EXOC2: variants seen among roughly 807,000 people sequenced by gnomAD.
EXOC2 encodes SEC5-like 1.
EXOC2 carries 70 observed loss-of-function variants against 131.8 expected under a neutral mutation model. The observed-to-expected ratio is 0.53, with a 90% CI of 0.44 to 0.65. The LOEUF (loss-of-function observed/expected upper bound fraction) is 0.65. Among genes scored for constraint, EXOC2 ranks in the 30% least tolerant of loss-of-function variants. EXOC2 has a pLI of 0.00. For missense variants in EXOC2, 923 were observed against 1,108.6 expected (o/e 0.83, Z 2.38); for synonymous variants, 411 against 398.4 (o/e 1.03, Z -0.38).
chr6:671,208 C>A (rs1763847878), intron 1 of EXOC2, among the ~76,000 whole-genome samples: 1 of 151,406 alleles, frequency 6.6e-6, no homozygotes, highest in Non-Finnish European at 1.5e-5. Flanking sequence ...AGTACAAAAA[C>A]TAGCCAGGCT....
chr6:630,128 TTTAA>T (rs745759447), intron 3 of EXOC2, among the ~76,000 whole-genome samples, 167 bp from the exon 4 acceptor site: 27 of 152,208 alleles, frequency 1.8e-4, no homozygotes, highest in Admixed American at 6.5e-5. Context: ...TGACTAGTAG[TTTAA>T]TTATAAGCAC....
chr6:582,930 A>C (rs927753135), intron 11 of EXOC2, among the ~76,000 whole-genome samples: 12 of 151,424 alleles, frequency 7.9e-5, no homozygotes, highest in Non-Finnish European at 1.6e-4. Flanking sequence ...TTTCAGTATC[A>C]TTCAAAGCAA....
Position 615,823 on chromosome 6 carries a change from G to T in EXOC2, c.661+1888C>A, listed in dbSNP as rs149130294. ...AAGAGATTTAAAAATTAAGTGAAAT[G>T]CCTGAATTTTATTTGAATCTTGATT... On this transcript the variant is annotated intron_variant, in intron 6 of 27. Transcript: ENST00000230449. 5.4e-3 allele frequency among the ~76,000 whole-genome samples: 814 copies of T among 152,124 alleles called. 9 individuals are homozygous for T. The highest frequency in any genetic ancestry group is 0.019 in the African/African-American group (776 of 41,498).
intron 23 of EXOC2, among the ~76,000 whole-genome samples, chr6:527,718 A>T (rs902779517): frequency 3.3e-5 from 5 of 152,230 alleles, no homozygotes; most frequent in Admixed American, 6.5e-5. Context: ...TCCCTTTCCC[A>T]TTATAATTTC....
At chr6:658,665 A>ATAT (rs1374453663) in intron 1 of EXOC2, among the ~76,000 whole-genome samples, 1,355 of 115,506 alleles carry the variant, frequency 0.012, 28 homozygotes, top group East Asian at 0.029. Context: ...ATATATATAT[A>ATAT]TTTTTTTTTT....
At chr6:547,949 C>T (rs529831856) in intron 22 of EXOC2, among the ~76,000 whole-genome samples, 6 of 152,186 alleles carry the variant, frequency 3.9e-5, no homozygotes, top group Admixed American at 1.3e-4. Context: ...TAGAGAAAAC[C>T]AAACTTGCTT....
At chr6:589,486 G>A (rs1282146096) in intron 11 of EXOC2, among the ~76,000 whole-genome samples, 1 of 152,166 alleles carries the variant, frequency 6.6e-6, no homozygotes, top group Non-Finnish European at 1.5e-5. Flanking sequence ...AACTTCCCTG[G>A]ACTTCCCCTC....
rs971578379 is a variant in EXOC2, at chr6:486,505, G to C, written c.*166C>G. On this transcript the variant is annotated 3_prime_UTR_variant, in exon 28 of 28. Coordinates refer to ENST00000230449, the MANE Select transcript of EXOC2 (RefSeq NM_018303.6). ...AATACTTCCTGGGCATTTCAAATGAGGTCATTTTGGTTGAAATGTATACCA... is the reference window on the plus strand; with the variant it reads ...AATACTTCCTGGGCATTTCAAATGACGTCATTTTGGTTGAAATGTATACCA... 1 of 586,966 alleles carries C rather than the reference G, an allele frequency of 1.7e-6. No homozygotes were observed. Among genetic ancestry groups the C allele is most frequent in the Non-Finnish European group, 3.0e-6 (1 of 328,868 alleles). 36.4% of individuals were successfully genotyped at this position (586,966 alleles called of 1,614,324 possible).
chr6:536,837 TAAAC>T (rs1423048310), intron 22 of EXOC2, among the ~76,000 whole-genome samples: 2 of 152,264 alleles, frequency 1.3e-5, no homozygotes, highest in Admixed American at 1.3e-4. Context: ...TCATCAAAAT[TAAAC>T]AATTCTGTTC....
At chr6:686,259 GC>G (rs1562015211) in intron 1 of EXOC2, among the ~76,000 whole-genome samples, 1 of 150,212 alleles carries the variant, frequency 6.7e-6, no homozygotes, top group Non-Finnish European at 1.5e-5. Context: ...GCCGCGCCCG[GC>G]CTCCTGGACC....
chr6:625,518 CTTTTT>C (rs796295514), intron 4 of EXOC2, among the ~76,000 whole-genome samples: 39 of 108,046 alleles, frequency 3.6e-4, no homozygotes, highest in South Asian at 9.4e-4. Flanking sequence ...TGTTTCCGTT[CTTTTT>C]TTTTTTTTTT....
At chr6:498,783 A>G (rs910276859) in intron 24 of EXOC2, among the ~76,000 whole-genome samples, 2 of 152,132 alleles carry the variant, frequency 1.3e-5, no homozygotes. Context: ...CATAAACCTA[A>G]AAACACCCTT....
At chr6:611,093 T>A (rs905332658) in intron 6 of EXOC2, among the ~76,000 whole-genome samples, 17 of 152,204 alleles carry the variant, frequency 1.1e-4, no homozygotes, top group African/African-American at 4.1e-4. Context: ...GGAACTTCCT[T>A]CCCTCTCTGT....
intron 14 of EXOC2, 26 bp downstream of exon 14, chr6:564,838 T>C: frequency 6.2e-7 from 1 of 1,603,250 alleles, no homozygotes; most frequent in Non-Finnish European, 8.5e-7. Flanking sequence ...TGTGAAAAGG[T>C]CTACATACTT....
intron 23 of EXOC2, among the ~76,000 whole-genome samples, chr6:531,171 T>A (rs946214058): frequency 6.6e-6 from 1 of 152,100 alleles, no homozygotes; most frequent in Non-Finnish European, 1.5e-5. Flanking sequence ...GATGAGCTTT[T>A]CAAAAAGGCA....
At chr6:512,152 C>T (rs1764883489) in intron 23 of EXOC2, among the ~76,000 whole-genome samples, 1 of 152,246 alleles carries the variant, frequency 6.6e-6, no homozygotes, top group Admixed American at 6.5e-5. Flanking sequence ...GGTCCTTGAG[C>T]CCCTTCTCAG....
intron 1 of EXOC2, among the ~76,000 whole-genome samples, chr6:659,789 A>G (rs1354250401): frequency 1.3e-5 from 2 of 152,212 alleles, no homozygotes; most frequent in African/African-American, 4.8e-5. Flanking sequence ...AGCAGGGGGT[A>G]CAACTCCACA....
chr6:542,192 C>T (rs1374144966), intron 22 of EXOC2, among the ~76,000 whole-genome samples: 1 of 152,222 alleles, frequency 6.6e-6, no homozygotes, highest in Non-Finnish European at 1.5e-5. Flanking sequence ...GTTCCTTCAG[C>T]TTGGTGGTGT....
At chr6:617,672 G>T in intron 6 of EXOC2, 39 bp downstream of exon 6, 1 of 1,596,196 alleles carries the variant, frequency 6.3e-7, no homozygotes, top group African/African-American at 1.3e-5. Context: ...GGTTTCCATG[G>T]CGGAAGCTGC....
Sources: gnomAD v4.1 joint callset for allele counts (sites outside exome capture counted in the v4.1 genomes callset) on GRCh38, gnomAD v4.1.1 for gene constraint, MANE v1.5 for transcripts, NCBI Gene and HGNC (gene_info 2026-07-23, HGNC 2026-07-21) for gene names.